The following EXT1 variants were observed in gnomAD, a reference collection of about 807,000 sequenced individuals.
EXT1 encodes the protein exostosin-1.
EXT1 carries 20 observed loss-of-function variants against 82.5 expected under a neutral mutation model. The ratio of observed to expected loss-of-function variants is 0.24; its 90% CI spans 0.17 to 0.35. The LOEUF (loss-of-function observed/expected upper bound fraction) is 0.35. Among genes scored for constraint, EXT1 ranks in the 10% least tolerant of loss-of-function variants. EXT1 has a pLI of 1.00. For missense variants in EXT1, 757 were observed against 936.5 expected, an observed-to-expected ratio of 0.81 and a Z score of 2.50; for synonymous variants, 348 against 350.8, an observed-to-expected ratio of 0.99 and a Z score of 0.09.
intron 1 of EXT1, among the ~76,000 whole-genome samples, chr8:118,055,457 T>C (rs1273923647): frequency 1.3e-5 from 2 of 152,214 alleles, no homozygotes; most frequent in Admixed American, 1.3e-4. Flanking sequence ...TGTAGACAAA[T>C]CACCATTCTC....
chr8:117,835,486 C>G lies in EXT1; in HGVS notation c.1122G>C (p.Trp374Cys). The G allele has an allele frequency of 6.2e-7, 1 of 1,614,156 alleles. No homozygotes were observed. The highest frequency in any genetic ancestry group is 8.5e-7 in the Non-Finnish European group (1 of 1,180,010). Residue 374 changes from tryptophan to cysteine, a missense_variant, in exon 3 of 11, where the codon TGG becomes TGC. Coordinates refer to ENST00000378204, the MANE Select transcript of EXT1 (RefSeq NM_000127.3). ...WELPFSEVIN[W>C]NQAAVIGDER... is the part of the protein sequence containing the mutation. ...CATCGCCTATGACGGCAGCTTGGTTCCAATTAATCACTTCAGAGAATGGCA... is the reference window on the plus strand; with the variant it reads ...CATCGCCTATGACGGCAGCTTGGTTGCAATTAATCACTTCAGAGAATGGCA...
intron 1 of EXT1, among the ~76,000 whole-genome samples, chr8:118,051,809 T>C (rs964873784): frequency 6.6e-6 from 1 of 152,216 alleles, no homozygotes; most frequent in East Asian, 1.9e-4. Context: ...CCTGAAAATA[T>C]ACTGTCTCTT....
At chr8:117,925,826 A>T (rs1049822732) in intron 1 of EXT1, among the ~76,000 whole-genome samples, 6 of 152,018 alleles carry the variant, frequency 3.9e-5, no homozygotes, top group African/African-American at 1.4e-4. Flanking sequence ...TGAGCCCAGG[A>T]GGTTGAGGCT....
chr8:118,024,833 T>C (rs1296101697), intron 1 of EXT1, among the ~76,000 whole-genome samples: 1 of 152,220 alleles, frequency 6.6e-6, no homozygotes, highest in Non-Finnish European at 1.5e-5. Flanking sequence ...ATGATCCTTG[T>C]AGAGCATGAT....
chr8:117,997,270 T>TTA (rs10631517), intron 1 of EXT1, among the ~76,000 whole-genome samples: 56,137 of 143,860 alleles, frequency 0.39, 11,242 homozygotes, highest in Admixed American at 0.46. Context: ...TATACACACT[T>TTA]TATATATATA....
chr8:117,988,087 CAAAT>C (rs1307398941), intron 1 of EXT1, among the ~76,000 whole-genome samples: 1 of 152,136 alleles, frequency 6.6e-6, no homozygotes, highest in African/African-American at 2.4e-5. Flanking sequence ...GATCCTGTCA[CAAAT>C]AAATAAATAC....
intron 1 of EXT1, among the ~76,000 whole-genome samples, chr8:118,085,669 C>A (rs1817404771): frequency 6.6e-6 from 1 of 151,824 alleles, no homozygotes; most frequent in South Asian, 2.1e-4. Context: ...GGAACAAGAG[C>A]CACATGTTCA....
intron 1 of EXT1, among the ~76,000 whole-genome samples, chr8:118,003,362 T>C (rs1815711266): frequency 6.6e-6 from 1 of 150,784 alleles, no homozygotes; most frequent in African/African-American, 2.5e-5. Context: ...AACTTACTCA[T>C]GTAACCAAAC....
intron 1 of EXT1, among the ~76,000 whole-genome samples, chr8:117,975,137 T>C (rs1034349873): frequency 4.6e-5 from 7 of 152,210 alleles, no homozygotes; most frequent in African/African-American, 1.7e-4. Flanking sequence ...CTTTTGAATG[T>C]TCTCAATAGT....
intron 3 of EXT1, among the ~76,000 whole-genome samples, chr8:117,834,386 C>T (rs1346832790): frequency 6.6e-6 from 1 of 152,110 alleles, no homozygotes; most frequent in Non-Finnish European, 1.5e-5. Context: ...GGGTGAATCA[C>T]CTGAGGTTAG....
chr8:117,822,580 T>G lies in EXT1; in HGVS notation c.1302A>C (p.Ile434=), dbSNP rs942079736. ...LTTLEIIQDR[I]FKHISRNSLI... Reference sequence around the variant, plus strand: ...AACTGTTACGTGATATGTGCTTGAATATTCTGTCCTGAATAATCTAGAAAA... The same window carrying G: ...AACTGTTACGTGATATGTGCTTGAAGATTCTGTCCTGAATAATCTAGAAAA... Residue 434 remains isoleucine (I), a synonymous_variant, in exon 5 of 11, where the codon ATA becomes ATC. Transcript: ENST00000378204. 6.2e-6 allele frequency: 10 copies of G among 1,613,146 alleles called. 1 individual carries two copies. The East Asian group carries it at 2.2e-4, about 36-fold the overall frequency.
In EXT1 at chr8:117,991,176, T is replaced by C. The variant is rs181421784; in HGVS notation, c.962+118909A>G. Among the ~76,000 whole-genome samples, 937 of 151,862 alleles carry C rather than the reference T, an allele frequency of 6.2e-3. 11 individuals carry two copies. Among genetic ancestry groups the C allele is most frequent in the Middle Eastern group, 0.017 (5 of 294 alleles). ...GACTAGATGGAGTACAGTGGCGCAA[T>C]CTTGGCTCACTGCAACCTCCACATC... On this transcript the variant is annotated intron_variant, in intron 1 of 10. Coordinates refer to ENST00000378204, the MANE Select transcript of EXT1 (RefSeq NM_000127.3).
At chr8:117,903,739 C>T (rs1813492993) in intron 1 of EXT1, among the ~76,000 whole-genome samples, 1 of 152,102 alleles carries the variant, frequency 6.6e-6, no homozygotes, top group African/African-American at 2.4e-5. Flanking sequence ...AATTAAATGG[C>T]GCCTCTAATC....
At chr8:117,810,470 C>A (rs1330446171) in intron 8 of EXT1, among the ~76,000 whole-genome samples, 1 of 152,200 alleles carries the variant, frequency 6.6e-6, no homozygotes, top group East Asian at 1.9e-4. Flanking sequence ...ACACATGTTC[C>A]TCCCAGCATG....
At chr8:117,834,195 G>A (rs1812147173) in intron 3 of EXT1, among the ~76,000 whole-genome samples, 1 of 152,156 alleles carries the variant, frequency 6.6e-6, no homozygotes, top group Non-Finnish European at 1.5e-5. Context: ...ACTTTAGTTT[G>A]CTTAACCCAT....
intron 1 of EXT1, among the ~76,000 whole-genome samples, chr8:117,996,152 G>A (rs935451687): frequency 5.3e-5 from 8 of 152,036 alleles, no homozygotes; most frequent in Non-Finnish European, 8.8e-5. Context: ...TAAGACGCTC[G>A]CCCTTGGAAC....
intron 1 of EXT1, among the ~76,000 whole-genome samples, chr8:117,882,566 A>G (rs192283879): frequency 6.6e-6 from 1 of 152,212 alleles, no homozygotes; most frequent in Non-Finnish European, 1.5e-5. Context: ...GAACAAGGAC[A>G]CAAATCATTA....
chr8:118,022,383 G>C (rs1326112165), intron 1 of EXT1, among the ~76,000 whole-genome samples: 1 of 124,580 alleles, frequency 8.0e-6, no homozygotes, highest in African/African-American at 3.0e-5. Context: ...TGTCACCCAG[G>C]CTGGAGTGCA....
intron 1 of EXT1, among the ~76,000 whole-genome samples, chr8:117,999,296 T>C (rs1447814578): frequency 6.6e-6 from 1 of 152,208 alleles, no homozygotes; most frequent in Non-Finnish European, 1.5e-5. Context: ...TCTAGTTAAA[T>C]TTATGAGACG....
Sources: gnomAD v4.1 joint callset for allele counts (sites outside exome capture counted in the v4.1 genomes callset) on GRCh38, gnomAD v4.1.1 for gene constraint, MANE v1.5 for transcripts, NCBI Gene and HGNC (gene_info 2026-07-23, HGNC 2026-07-21) for gene names.